The following SUCLG2 variants were observed in gnomAD, a reference collection of about 807,000 sequenced individuals.
SUCLG2 encodes succinate-CoA ligase GDP-forming subunit beta, also known as succinate--CoA ligase [GDP-forming] subunit beta, mitochondrial.
SUCLG2 carries 42 observed loss-of-function variants against 47.9 expected under a neutral mutation model. The ratio of observed to expected loss-of-function variants is 0.88; its 90% CI spans 0.69 to 1.14. The LOEUF (loss-of-function observed/expected upper bound fraction) is 1.14. Ranked by LOEUF, SUCLG2 falls within the 50% of genes most tolerant of loss-of-function variation. The probability of loss-of-function intolerance (pLI) is 0.00; values close to 1 mark genes in which losing one functional copy is unlikely to be tolerated. For synonymous variants in SUCLG2, 195 were observed against 197.3 expected, an observed-to-expected ratio of 0.99 and a Z score of 0.10; for missense variants, 571 against 525.9, an observed-to-expected ratio of 1.09 and a Z score of -0.84.
intron 2 of SUCLG2, among the ~76,000 whole-genome samples, chr3:67,561,354 C>G (rs181045382): frequency 6.6e-6 from 1 of 152,194 alleles, no homozygotes; most frequent in Non-Finnish European, 1.5e-5. Context: ...TCTTTAACAT[C>G]TTTTGCTTTC....
At chr3:67,471,786 C>A (rs1704612036) in intron 9 of SUCLG2, among the ~76,000 whole-genome samples, 1 of 152,094 alleles carries the variant, frequency 6.6e-6, no homozygotes, top group East Asian at 1.9e-4. Context: ...TTAACCAAAC[C>A]CAGCAGCTCC....
At chr3:67,560,763 G>C (rs80344862) in intron 2 of SUCLG2, among the ~76,000 whole-genome samples, 2,196 of 151,934 alleles carry the variant, frequency 0.014, 55 homozygotes, top group African/African-American at 0.051. Flanking sequence ...TTCACACACA[G>C]AACATCACAC....
chr3:67,449,804 T>C (rs1412727551), intron 9 of SUCLG2, among the ~76,000 whole-genome samples: 1 of 151,888 alleles, frequency 6.6e-6, no homozygotes, highest in African/African-American at 2.4e-5. Flanking sequence ...AGTAGAGATG[T>C]GGTTTTGCCA....
intron 6 of SUCLG2, among the ~76,000 whole-genome samples, chr3:67,510,250 T>G (rs1705751126): frequency 6.6e-6 from 1 of 152,252 alleles, no homozygotes; most frequent in African/African-American, 2.4e-5. Flanking sequence ...GTTCCAGATT[T>G]GACTGAAGAA....
At chr3:67,521,204 A>G (rs1050009126) in intron 4 of SUCLG2, among the ~76,000 whole-genome samples, 85 of 152,340 alleles carry the variant, frequency 5.6e-4, no homozygotes, top group African/African-American at 1.9e-3. Context: ...TATATAAATG[A>G]GAAAGTGAAA....
intron 1 of SUCLG2, among the ~76,000 whole-genome samples, chr3:67,609,817 T>A (rs542070907): frequency 3.2e-4 from 48 of 152,246 alleles, no homozygotes; most frequent in Middle Eastern, 3.4e-3. Flanking sequence ...GCAGGTTTTT[T>A]AAAAATGCTG....
At chr3:67,431,083 T>A (rs1180183596) in intron 9 of SUCLG2, among the ~76,000 whole-genome samples, 1 of 151,940 alleles carries the variant, frequency 6.6e-6, no homozygotes, top group Admixed American at 6.6e-5. Context: ...AAGGAGGGAA[T>A]CCTCCCTAAC....
intron 9 of SUCLG2, among the ~76,000 whole-genome samples, chr3:67,441,939 A>T (rs1703773794): frequency 6.6e-6 from 1 of 152,150 alleles, no homozygotes; most frequent in Non-Finnish European, 1.5e-5. Flanking sequence ...GTTCTGAAAT[A>T]TATAAAATAC....
At chr3:67,607,827 C>A (rs1700451327) in intron 2 of SUCLG2, among the ~76,000 whole-genome samples, 1 of 152,172 alleles carries the variant, frequency 6.6e-6, no homozygotes, top group Non-Finnish European at 1.5e-5. Context: ...GGGAGTTCCC[C>A]TGCACAAGTT....
intron 1 of SUCLG2, among the ~76,000 whole-genome samples, chr3:67,641,693 C>A (rs766906951): frequency 9.2e-5 from 14 of 152,128 alleles, no homozygotes; most frequent in Non-Finnish European, 1.6e-4. Flanking sequence ...GACTGGCGTA[C>A]AAAGTACCAC....
intron 2 of SUCLG2, among the ~76,000 whole-genome samples, chr3:67,536,786 G>C (rs1214783160): frequency 6.6e-6 from 1 of 152,142 alleles, no homozygotes; most frequent in Admixed American, 6.5e-5. Flanking sequence ...CAGTTAAAAA[G>C]TACCTGGAAT....
At chr3:67,649,545 T>C (rs1211770112) in intron 1 of SUCLG2, among the ~76,000 whole-genome samples, 1 of 128,748 alleles carries the variant, frequency 7.8e-6, no homozygotes, top group Non-Finnish European at 1.7e-5. Flanking sequence ...CAACTTCTGC[T>C]ATCCACCTCT....
In SUCLG2 at chr3:67,564,486, C is replaced by A. The variant is rs576056180; in HGVS notation, c.227-35300G>T. Reference sequence around the variant, plus strand: ...AAACAAAACGCCACAGGTATAAACTCTACATTCACCAAAATGGACATGAGT... The same window carrying A: ...AAACAAAACGCCACAGGTATAAACTATACATTCACCAAAATGGACATGAGT... On this transcript the variant is annotated intron_variant, in intron 2 of 10. Coordinates refer to ENST00000307227, the MANE Select transcript of SUCLG2 (RefSeq NM_003848.4). 2.6e-5 allele frequency among the ~76,000 whole-genome samples: 4 copies of A among 152,338 alleles called. No homozygotes were observed. In the East Asian group the frequency reaches 7.7e-4, roughly 29 times the overall value.
intron 9 of SUCLG2, among the ~76,000 whole-genome samples, chr3:67,438,064 G>T (rs1430115348): frequency 6.6e-6 from 1 of 152,122 alleles, no homozygotes; most frequent in African/African-American, 2.4e-5. Context: ...TCAGAACTCA[G>T]GATTAAGAAA....
chr3:67,464,621 T>C (rs1380383285), intron 9 of SUCLG2, among the ~76,000 whole-genome samples: 3 of 152,194 alleles, frequency 2.0e-5, no homozygotes, highest in Non-Finnish European at 2.9e-5. Context: ...GCTACTCTTC[T>C]GAGAGAAAAA....
At chr3:67,429,549 A>C (rs1202856798) in intron 9 of SUCLG2, among the ~76,000 whole-genome samples, 1 of 152,160 alleles carries the variant, frequency 6.6e-6, no homozygotes, top group East Asian at 1.9e-4. Flanking sequence ...AACTAACAAG[A>C]AAAATAATCA....
intron 10 of SUCLG2, among the ~76,000 whole-genome samples, chr3:67,366,408 G>A (rs1466247163): frequency 6.6e-6 from 1 of 152,130 alleles, no homozygotes; most frequent in Non-Finnish European, 1.5e-5. Flanking sequence ...TCCAAGTCCT[G>A]TCCAGTTCAA....
chr3:67,520,390 T>A, intron 5 of SUCLG2, 92 bp downstream of exon 5: 2 of 1,557,432 alleles, frequency 1.3e-6, no homozygotes, highest in South Asian at 2.3e-5. Flanking sequence ...GAGACAGATT[T>A]AGTGCTCCTG....
At chr3:67,495,485 C>G (rs999264866) in intron 9 of SUCLG2, among the ~76,000 whole-genome samples, 1 of 151,908 alleles carries the variant, frequency 6.6e-6, no homozygotes, top group African/African-American at 2.4e-5. Context: ...AACCCTGTCT[C>G]TATTAAAAAT....
Sources: allele counts gnomAD v4.1 joint callset (sites outside exome capture counted in the v4.1 genomes callset), GRCh38; gene constraint gnomAD v4.1.1; transcripts MANE v1.5; gene names NCBI Gene and HGNC (gene_info 2026-07-23, HGNC 2026-07-21).